Variants in TBL1XR1 observed in about 807,000 individuals in gnomAD.
The protein encoded by TBL1XR1 is F-box-like/WD repeat-containing protein TBL1XR1.
A neutral mutation model predicts 66.9 loss-of-function variants in TBL1XR1; 5 were observed. The ratio of observed to expected loss-of-function variants is 0.07; its 90% CI spans 0.04 to 0.16. TBL1XR1 has a LOEUF of 0.16. Ranked by LOEUF, TBL1XR1 falls within the 10% of genes least tolerant of loss-of-function variation. TBL1XR1 has a pLI of 1.00. For synonymous variants in TBL1XR1, 210 were observed against 206.0 expected, an observed-to-expected ratio of 1.02 and a Z score of -0.17; for missense variants, 238 against 623.2, an observed-to-expected ratio of 0.38 and a Z score of 6.58.
At chr3:177,164,570 A>C (rs959420843) in intron 1 of TBL1XR1, among the ~76,000 whole-genome samples, 2 of 152,088 alleles carry the variant, frequency 1.3e-5, no homozygotes, top group African/African-American at 4.8e-5. Flanking sequence ...CGCTGGTCTC[A>C]AACTCCTAAC....
intron 1 of TBL1XR1, among the ~76,000 whole-genome samples, chr3:177,174,442 T>C (rs74283579): frequency 0.06 from 8,764 of 146,252 alleles, 877 homozygotes; most frequent in East Asian, 0.48. Flanking sequence ...GTTATGATGA[T>C]GACAAAGGAT....
At chr3:177,186,489 G>T (rs1735424881) in intron 1 of TBL1XR1, among the ~76,000 whole-genome samples, 1 of 152,078 alleles carries the variant, frequency 6.6e-6, no homozygotes. Flanking sequence ...CTTATACTGT[G>T]AGTTAATGAC....
chr3:177,054,340 T>C (rs1301375349), intron 3 of TBL1XR1, among the ~76,000 whole-genome samples: 1 of 152,160 alleles, frequency 6.6e-6, no homozygotes, highest in Non-Finnish European at 1.5e-5. Flanking sequence ...TTTTAATATT[T>C]TTTACATCTA....
intron 1 of TBL1XR1, among the ~76,000 whole-genome samples, chr3:177,179,219 C>A (rs1251726444): frequency 2.0e-5 from 3 of 151,754 alleles, no homozygotes; most frequent in African/African-American, 7.3e-5. Flanking sequence ...AAAAACATGG[C>A]CAAACTAGGC....
intron 1 of TBL1XR1, chr3:177,136,329 A>C (rs1017876176): frequency 2.0e-5 from 3 of 152,066 alleles, no homozygotes; most frequent in African/African-American, 7.2e-5. Context: ...CTGGAGTGCA[A>C]AAGTACGGAT....
At chr3:177,069,819 A>AGGAAGGAAGGAC in intron 2 of TBL1XR1, among the ~76,000 whole-genome samples, 1 of 149,472 alleles carries the variant, frequency 6.7e-6, no homozygotes, top group African/African-American at 2.5e-5. Flanking sequence ...GAAGGAAGGA[A>AGGAAGGAAGGAC]GGAAGGAAGG....
intron 1 of TBL1XR1, chr3:177,099,526 G>A (rs1437584735): frequency 2.0e-5 from 3 of 152,222 alleles, no homozygotes; most frequent in Admixed American, 6.5e-5. Context: ...ATATATGGGA[G>A]GTTTAGCTCC....
At chr3:177,167,311 C>T (rs1244350867) in intron 1 of TBL1XR1, among the ~76,000 whole-genome samples, 7 of 152,108 alleles carry the variant, frequency 4.6e-5, no homozygotes, top group Admixed American at 3.9e-4. Flanking sequence ...TGGAGGCAGC[C>T]AGAAGGTTGC....
chr3:177,098,370 G>A lies in TBL1XR1; in HGVS notation c.-46+96C>T, dbSNP rs1004805837. On this transcript the variant is annotated intron_variant, in intron 2 of 15. Transcript: ENST00000457928. ...ACACTTACTTAGCTTGGGAACACAT[G>A]TATTTTGTCAAATTGTGAGAAACTT... The A allele has an allele frequency of 8.2e-6, 5 of 607,230 alleles. No individual in the cohort carries two copies. The African/African-American group carries it at 1.0e-4, about 12-fold the overall frequency. The allele number at this position is 607,230 out of a possible 1,614,324, so 37.6% of individuals were successfully genotyped here. A position where few individuals can be genotyped will look rare whatever the true frequency, so the allele number is the denominator to read the frequency against.
intron 1 of TBL1XR1, among the ~76,000 whole-genome samples, chr3:177,189,931 C>T (rs1263824733): frequency 1.3e-5 from 2 of 151,838 alleles, no homozygotes; most frequent in African/African-American, 2.4e-5. Context: ...AACTTAGGTA[C>T]ACTACTAAGG....
At chr3:177,152,138 A>C (rs898207407) in intron 1 of TBL1XR1, among the ~76,000 whole-genome samples, 5 of 152,240 alleles carry the variant, frequency 3.3e-5, no homozygotes, top group African/African-American at 1.2e-4. Flanking sequence ...TTAGAAGTTT[A>C]GATTATTCAG....
chr3:177,108,149 T>C (rs541249966), intron 1 of TBL1XR1, among the ~76,000 whole-genome samples: 16 of 152,088 alleles, frequency 1.1e-4, no homozygotes, highest in Non-Finnish European at 2.4e-4. Flanking sequence ...TTAGGTTAAA[T>C]GAGGTAAACA....
At chr3:177,197,869 G>A (rs966683550), upstream of TBL1XR1, among the ~76,000 whole-genome samples, 1 of 148,244 alleles carries the variant, frequency 6.7e-6, no homozygotes, top group African/African-American at 2.4e-5. Flanking sequence ...CCACCGCCGC[G>A]GGCCGGCCTG....
At chr3:177,112,092 T>TATATATAC (rs1180777868) in intron 1 of TBL1XR1, among the ~76,000 whole-genome samples, 3 of 47,720 alleles carry the variant, frequency 6.3e-5, no homozygotes, top group African/African-American at 4.4e-4. Context: ...TATATATATA[T>TATATATAC]ATATATATAT....
intron 1 of TBL1XR1, among the ~76,000 whole-genome samples, chr3:177,161,549 G>A (rs552870893): frequency 2.6e-5 from 4 of 152,292 alleles, no homozygotes; most frequent in African/African-American, 9.6e-5. Flanking sequence ...TTGGGAGGCT[G>A]AAGCGGGTGG....
chr3:177,043,452 CTTATA>C (rs1715880316), intron 10 of TBL1XR1, among the ~76,000 whole-genome samples: 1 of 152,024 alleles, frequency 6.6e-6, no homozygotes, highest in Non-Finnish European at 1.5e-5. Flanking sequence ...TCTAGTTTGT[CTTATA>C]TTAATGTAGC....
intron 2 of TBL1XR1, among the ~76,000 whole-genome samples, chr3:177,076,688 C>T (rs560963055): frequency 2.0e-4 from 31 of 152,176 alleles, no homozygotes; most frequent in Non-Finnish European, 3.7e-4. Context: ...AGTCATCTGT[C>T]CACCTTGGTT....
rs957301950 is a variant in TBL1XR1, at chr3:177,069,212, C to G, written c.-45-4190G>C. ...TGTATATAGGAACCTTGCAAGCTACCTGAGAGTATGAGGTCATAAAGCAAT... is the reference window on the plus strand; with the variant it reads ...TGTATATAGGAACCTTGCAAGCTACGTGAGAGTATGAGGTCATAAAGCAAT... On this transcript the variant is annotated intron_variant, in intron 2 of 15. Coordinates refer to ENST00000457928, the MANE Select transcript of TBL1XR1 (RefSeq NM_024665.7). Among the ~76,000 whole-genome samples the G allele has an allele frequency of 1.1e-4, 17 of 152,098 alleles. 1 individual carries two copies. Among genetic ancestry groups the G allele is most frequent in the African/African-American group, 3.4e-4 (14 of 41,414 alleles).
Position 177,131,307 on chromosome 3 carries a change from G to C in TBL1XR1, c.-121-32766C>G, listed in dbSNP as rs1197272315. 5.1e-6 allele frequency: 5 copies of C among 983,364 alleles called. No homozygotes were observed. The African/African-American group carries it at 8.7e-5, about 17-fold the overall frequency. The allele number at this position is 983,364 out of a possible 1,614,324, so 60.9% of individuals were successfully genotyped here. On this transcript the variant is annotated intron_variant, in intron 1 of 15. Transcript: ENST00000457928. ...TTTGCCTAATCATAAAGACCCTTAA[G>C]AGAGAGTCCAGGAAAAATAAAGAAA...
Sources: allele counts gnomAD v4.1 joint callset (sites outside exome capture counted in the v4.1 genomes callset), GRCh38; gene constraint gnomAD v4.1.1; transcripts MANE v1.5; gene names NCBI Gene and HGNC (gene_info 2026-07-23, HGNC 2026-07-21).